Variants in KAZN observed in about 807,000 individuals in gnomAD.
The protein encoded by KAZN is kazrin.
Under a neutral mutation model 87.4 loss-of-function variants are expected in KAZN, and 40 were observed. The observed-to-expected ratio is 0.46, with a 90% CI of 0.36 to 0.60. KAZN has a LOEUF of 0.60. KAZN is among the 20% of genes least tolerant of loss of function. The pLI is 0.00. For synonymous variants in KAZN, 466 were observed against 458.3 expected (o/e 1.02, Z -0.22); for missense variants, 898 against 1,073.9 (o/e 0.84, Z 2.29).
intron 6 of KAZN, 93 bp downstream of exon 6, chr1:15,060,395 C>G: frequency 6.6e-7 from 1 of 1,516,332 alleles, no homozygotes; most frequent in Non-Finnish European, 9.1e-7. Flanking sequence ...TCGCTGTTTC[C>G]TCTCGTCCAC....
chr1:14,435,948 G>C (rs1242662515), intron 2 of KAZN, among the ~76,000 whole-genome samples: 1 of 152,196 alleles, frequency 6.6e-6, no homozygotes, highest in Non-Finnish European at 1.5e-5. Flanking sequence ...GAGTCACTGT[G>C]CTTAACACAA....
intron 1 of KAZN, among the ~76,000 whole-genome samples, chr1:14,785,554 C>G (rs1645487056): frequency 6.6e-6 from 1 of 152,108 alleles, no homozygotes; most frequent in Non-Finnish European, 1.5e-5. Flanking sequence ...AGTGACCTTC[C>G]TGCTCCGACC....
chr1:15,010,777 T>C (rs1035572445), intron 2 of KAZN, among the ~76,000 whole-genome samples: 2 of 152,202 alleles, frequency 1.3e-5, no homozygotes, highest in African/African-American at 4.8e-5. Context: ...CAGTGTTCTC[T>C]TCTCTCACTC....
At chr1:15,095,118 G>A (rs1000332018) in intron 10 of KAZN, among the ~76,000 whole-genome samples, 185 bp downstream of exon 10, 1 of 152,080 alleles carries the variant, frequency 6.6e-6, no homozygotes, top group African/African-American at 2.4e-5. Context: ...CCCTGCTCTG[G>A]GCCAGCCCCC....
At chr1:14,424,558 T>A (rs1033282474) in intron 2 of KAZN, among the ~76,000 whole-genome samples, 2 of 152,136 alleles carry the variant, frequency 1.3e-5, no homozygotes, top group African/African-American at 4.8e-5. Context: ...GCCATTCACA[T>A]GGACACTGAC....
chr1:14,635,630 T>C (rs1177544150), intron 1 of KAZN, among the ~76,000 whole-genome samples: 1 of 152,222 alleles, frequency 6.6e-6, no homozygotes, highest in Non-Finnish European at 1.5e-5. Flanking sequence ...CTCTGCCACG[T>C]TCTCTCAGGG....
At chr1:14,148,667 A>G (rs1025251574) in intron 1 of KAZN, among the ~76,000 whole-genome samples, 3 of 152,178 alleles carry the variant, frequency 2.0e-5, no homozygotes, top group Admixed American at 2.0e-4. Flanking sequence ...AATGCCAGGA[A>G]ATCCTTGGTG....
intron 2 of KAZN, among the ~76,000 whole-genome samples, chr1:14,325,539 G>A (rs140612348): frequency 1.6e-3 from 245 of 151,928 alleles, no homozygotes; most frequent in African/African-American, 5.8e-3. Context: ...AGAAAAGTAG[G>A]AGAGAGAGAA....
chr1:14,216,836 G>A (rs1036476902), intron 2 of KAZN, among the ~76,000 whole-genome samples: 11 of 152,012 alleles, frequency 7.2e-5, no homozygotes, highest in South Asian at 4.1e-4. Context: ...CCCAGGAGGC[G>A]GAGGCTTCAG....
chr1:15,040,691 G>A lies in KAZN; in HGVS notation c.556-3298G>A, dbSNP rs144243824. On this transcript the variant is annotated intron_variant, in intron 3 of 14. Coordinates refer to ENST00000376030, the MANE Select transcript of KAZN (RefSeq NM_201628.3). ...TGAGGCAGGAGAATTGCTTGGACCC[G>A]GGATGCAGAGGTTGCAGTCAGCCAA... is the stretch of plus-strand genomic sequence containing the variant. Among the ~76,000 whole-genome samples, 837 of 151,992 alleles carry A rather than the reference G, an allele frequency of 5.5e-3. 9 individuals carry two copies. The highest frequency in any genetic ancestry group is 0.018 in the African/African-American group (735 of 41,476).
At position 14,656,836 on chromosome 1, in the gene KAZN, C is replaced by A. The variant is rs1462406900; in HGVS notation, c.226+57613C>A. ...GCCTGTCTTCCAACACTGGAGATTACAATTCAACAGGAGATTCGGGCAGAG... is the reference window on the plus strand; with the variant it reads ...GCCTGTCTTCCAACACTGGAGATTAAAATTCAACAGGAGATTCGGGCAGAG... On this transcript the variant is annotated intron_variant, in intron 1 of 14. Transcript: ENST00000376030. 2.0e-5 allele frequency among the ~76,000 whole-genome samples: 3 copies of A among 152,204 alleles called. No individual in the cohort carries two copies. The South Asian group carries it at 6.2e-4, about 31-fold the overall frequency.
In KAZN at chr1:14,970,349, C is replaced by T. The variant is rs538817236; in HGVS notation, c.418+9474C>T. The stretch of plus-strand genomic sequence containing the variant: ...CAAGCCCTGTATCACGTGGGCGGGG[C>T]TCTGCAAGGCCAGGCTCCTTGGCAA... On this transcript the variant is annotated intron_variant, in intron 2 of 14. Transcript: ENST00000376030. 7.2e-5 allele frequency among the ~76,000 whole-genome samples: 11 copies of T among 152,256 alleles called. No homozygotes were observed. The East Asian group carries it at 1.5e-3, about 21-fold the overall frequency.
rs917041113 is a variant in KAZN, at chr1:14,516,811, C to A, written c.250-82172C>A. On this transcript the variant is annotated intron_variant, in intron 2 of 16. Transcript: ENST00000636203. The stretch of plus-strand genomic sequence containing the variant: ...CACAGCTCCATTTCTCTAACAAGAA[C>A]CAGCCTTCTTCTTCTTTTCTATCAC... Among the ~76,000 whole-genome samples the A allele has an allele frequency of 2.6e-5, 4 of 152,138 alleles. No individual in the cohort carries two copies. The East Asian group carries it at 5.8e-4, about 22-fold the overall frequency.
chr1:14,254,734 G>A (rs560583398), intron 2 of KAZN, among the ~76,000 whole-genome samples: 2 of 151,926 alleles, frequency 1.3e-5, no homozygotes, highest in African/African-American at 4.8e-5. Context: ...AGGTTTAATT[G>A]GCTTACGTTT....
intron 2 of KAZN, among the ~76,000 whole-genome samples, chr1:14,463,762 A>G (rs906629916): frequency 6.6e-6 from 1 of 152,150 alleles, no homozygotes; most frequent in Non-Finnish European, 1.5e-5. Flanking sequence ...GCTTTCCCTT[A>G]CCATAAAAAA....
At chr1:14,456,344 T>C (rs915115851) in intron 2 of KAZN, among the ~76,000 whole-genome samples, 23 of 152,226 alleles carry the variant, frequency 1.5e-4, no homozygotes, top group African/African-American at 4.1e-4. Context: ...AATGGGTCTC[T>C]CTTGTTTACG....
At chr1:14,915,153 C>T (rs952034651) in intron 1 of KAZN, among the ~76,000 whole-genome samples, 3 of 152,130 alleles carry the variant, frequency 2.0e-5, no homozygotes, top group Non-Finnish European at 4.4e-5. Context: ...TGCCATTGCA[C>T]TCCAGCCTGG....
At chr1:14,112,108 G>T (rs1232773031) in intron 1 of KAZN, among the ~76,000 whole-genome samples, 2 of 98,530 alleles carry the variant, frequency 2.0e-5, no homozygotes, top group Non-Finnish European at 4.3e-5. Context: ...AGGGTCTGCC[G>T]CAGCTTTGCC....
intron 1 of KAZN, among the ~76,000 whole-genome samples, chr1:14,764,200 G>A (rs909557891): frequency 2.6e-5 from 4 of 152,104 alleles, no homozygotes; most frequent in African/African-American, 7.2e-5. Context: ...GGGGCACTGA[G>A]GGCTGGGACC....
Sources: gnomAD v4.1 joint callset for allele counts (sites outside exome capture counted in the v4.1 genomes callset) on GRCh38, gnomAD v4.1.1 for gene constraint, MANE v1.5 for transcripts, NCBI Gene and HGNC (gene_info 2026-07-23, HGNC 2026-07-21) for gene names.